PIK3C2B: variants seen among roughly 807,000 people sequenced by gnomAD.
The protein encoded by PIK3C2B is phosphatidylinositol 4-phosphate 3-kinase C2 domain-containing subunit beta.
PIK3C2B carries 83 observed loss-of-function variants against 184.3 expected under a neutral mutation model. That is an observed-to-expected ratio of 0.45 (90% CI 0.38 to 0.54). The LOEUF (loss-of-function observed/expected upper bound fraction) is 0.54. PIK3C2B is among the 20% of genes least tolerant of loss of function. PIK3C2B has a pLI of 0.00. For synonymous variants in PIK3C2B, 779 were observed against 837.6 expected (o/e 0.93, Z 1.21); for missense variants, 1,736 against 2,113.5 (o/e 0.82, Z 3.50).
In PIK3C2B at chr1:204,456,908, C is replaced by CACACCCA. The variant is rs1558257293; in HGVS notation, c.1747+128_1747+129insTGGGTGT. 48 of 214,758 alleles carry CACACCCA rather than the reference C, an allele frequency of 2.2e-4. 1 individual carries two copies. The East Asian group carries it at 5.3e-3, about 24-fold the overall frequency. 13.3% of individuals were successfully genotyped at this position (214,758 alleles called of 1,614,324 possible). On this transcript the variant is annotated intron_variant, in intron 10 of 32. Coordinates refer to ENST00000684373, the MANE Select transcript of PIK3C2B (RefSeq NM_001377334.1). ...CACACACACACACACACACACACAC[C>CACACCCA]CACACACACACACACACCAGCCGAA...
chr1:204,470,460 G>A (rs113353155), intron 1 of PIK3C2B, among the ~76,000 whole-genome samples: 10 of 152,258 alleles, frequency 6.6e-5, no homozygotes, highest in Admixed American at 4.6e-4. Context: ...GAGCTACCAC[G>A]CCCAGCCAAG....
chr1:204,478,614 G>A (rs1269683800), intron 1 of PIK3C2B, among the ~76,000 whole-genome samples: 5 of 152,126 alleles, frequency 3.3e-5, no homozygotes, highest in Non-Finnish European at 5.9e-5. Context: ...TTCCAAATGT[G>A]AGAAGACAAA....
At chr1:204,442,017 A>G (rs1310995919) in intron 20 of PIK3C2B, among the ~76,000 whole-genome samples, 1 of 152,076 alleles carries the variant, frequency 6.6e-6, no homozygotes, top group East Asian at 1.9e-4. Context: ...TGCTATCACC[A>G]CCACCACCTC....
rs370756486 is a variant in PIK3C2B at position 204,475,407 on chromosome 1, C to T, written c.-84-5521G>A. Among the ~76,000 whole-genome samples, 577 of 152,306 alleles carry T rather than the reference C, an allele frequency of 3.8e-3. 5 individuals are homozygous for T. Among genetic ancestry groups the T allele is most frequent in the African/African-American group, 0.013 (539 of 41,566 alleles). On this transcript the variant is annotated intron_variant, in intron 1 of 32. Transcript: ENST00000684373. ...TGACATGTTTATGGATCCATCACCC[C>T]TACTATGTTCCTCAAGTTCCAAATT...
intron 23 of PIK3C2B, among the ~76,000 whole-genome samples, chr1:204,437,210 A>G (rs751714716): frequency 6.6e-6 from 1 of 151,930 alleles, no homozygotes; most frequent in Non-Finnish European, 1.5e-5. Context: ...AAAAAAAAAC[A>G]ACAGCTGGGC....
At position 204,431,770 on chromosome 1, in the gene PIK3C2B, T is replaced by G; in HGVS notation, c.4179A>C (p.Arg1393=). Residue 1393 remains arginine, a synonymous_variant, in exon 28 of 33, where the codon CGA becomes CGC. Coordinates refer to ENST00000684373, the MANE Select transcript of PIK3C2B (RefSeq NM_001377334.1). The part of the protein sequence containing the change: ...KGYIYVVKVM[R]ENTHEATYIQ... ...TGTAGGTGGCCTCGTGAGTGTTCTCTCGCATCACCTTTACCACATATATCT... is the reference window on the plus strand; with the variant it reads ...TGTAGGTGGCCTCGTGAGTGTTCTCGCGCATCACCTTTACCACATATATCT... 6.2e-7 allele frequency: 1 copy of G among 1,614,188 alleles called. No homozygotes were observed. Among genetic ancestry groups the G allele is most frequent in the Non-Finnish European group, 8.5e-7 (1 of 1,180,010 alleles).
chr1:204,484,884 C>T (rs1558286631), intron 1 of PIK3C2B, among the ~76,000 whole-genome samples: 1 of 151,964 alleles, frequency 6.6e-6, no homozygotes. Flanking sequence ...ACAAACACAC[C>T]CCACAGTTTG....
intron 32 of PIK3C2B, 120 bp from the exon 33 acceptor site, chr1:204,425,160 A>T: frequency 1.4e-6 from 1 of 734,468 alleles, no homozygotes; most frequent in East Asian, 2.7e-5. Flanking sequence ...GCTAGCACTC[A>T]CCCTGCAGAG....
chr1:204,466,295 G>C (rs1199763268), intron 2 of PIK3C2B, among the ~76,000 whole-genome samples: 1 of 152,208 alleles, frequency 6.6e-6, no homozygotes, highest in East Asian at 1.9e-4. Context: ...TTTCTGGCGG[G>C]AGTCTAGCTC....
At chr1:204,468,081 T>C (rs978602724) in intron 2 of PIK3C2B, among the ~76,000 whole-genome samples, 2 of 152,216 alleles carry the variant, frequency 1.3e-5, no homozygotes, top group East Asian at 1.9e-4. Flanking sequence ...CTATTTGTCA[T>C]ACTGCATATT....
intron 1 of PIK3C2B, among the ~76,000 whole-genome samples, chr1:204,478,322 C>T (rs1454319638): frequency 2.0e-5 from 3 of 152,138 alleles, no homozygotes; most frequent in Non-Finnish European, 4.4e-5. Context: ...ACACACATGC[C>T]GCTGGCTCCA....
At chr1:204,459,979 C>T (rs779629781) in intron 7 of PIK3C2B, 38 bp from the exon 8 acceptor site, 4 of 1,572,678 alleles carry the variant, frequency 2.5e-6, no homozygotes, top group Non-Finnish European at 3.5e-6. Flanking sequence ...CAGGAGAGGT[C>T]ATGAAAGACC....
intron 1 of PIK3C2B, 53 bp downstream of exon 1, chr1:204,494,303 G>A (rs970525505): frequency 1.3e-5 from 2 of 152,382 alleles, no homozygotes; most frequent in African/African-American, 4.8e-5. Flanking sequence ...CTCCACTCTG[G>A]GGGCACTTTA....
intron 23 of PIK3C2B, 133 bp downstream of exon 23, chr1:204,438,802 A>G: frequency 1.1e-6 from 1 of 940,350 alleles, no homozygotes; most frequent in Non-Finnish European, 1.6e-6. Flanking sequence ...CAGTCAACCA[A>G]GAAAGGGTAG....
intron 12 of PIK3C2B, 164 bp downstream of exon 12, chr1:204,454,505 C>A: frequency 7.4e-6 from 4 of 541,708 alleles, no homozygotes; most frequent in Non-Finnish European, 6.3e-6. Flanking sequence ...AAAAAAGAGT[C>A]AGGGAAGTGG....
At chr1:204,490,736 C>A (rs1399419479) in intron 1 of PIK3C2B, among the ~76,000 whole-genome samples, 2 of 147,584 alleles carry the variant, frequency 1.4e-5, no homozygotes, top group African/African-American at 2.5e-5. Flanking sequence ...TCAGTCTAGG[C>A]AACATAGTGA....
chr1:204,451,774 G>C (rs954748589), intron 12 of PIK3C2B, among the ~76,000 whole-genome samples: 1 of 152,166 alleles, frequency 6.6e-6, no homozygotes, highest in South Asian at 2.1e-4. Context: ...GTATTTTCAT[G>C]CGCACGTATC....
chr1:204,467,814 A>C (rs1156584490), intron 2 of PIK3C2B, among the ~76,000 whole-genome samples: 7 of 111,382 alleles, frequency 6.3e-5, no homozygotes, highest in Admixed American at 2.3e-4. Context: ...AAGCCTGGTG[A>C]CAGAGTGAGA....
chr1:204,451,675 T>C (rs1654371846), intron 12 of PIK3C2B, among the ~76,000 whole-genome samples: 2 of 152,006 alleles, frequency 1.3e-5, no homozygotes, highest in Admixed American at 1.3e-4. Flanking sequence ...AAGGGGAACA[T>C]AGCTTCACTT....
Sources: gnomAD v4.1 joint callset for allele counts (sites outside exome capture counted in the v4.1 genomes callset) on GRCh38, gnomAD v4.1.1 for gene constraint, MANE v1.5 for transcripts, NCBI Gene and HGNC (gene_info 2026-07-23, HGNC 2026-07-21) for gene names.